Variants in LINGO1 observed in about 807,000 individuals in gnomAD.
The protein encoded by LINGO1 is leucine rich repeat and Ig domain containing 1.
A neutral mutation model predicts 37.3 loss-of-function variants in LINGO1; 11 were observed. The ratio of observed to expected loss-of-function variants is 0.29; its 90% confidence interval spans 0.19 to 0.49. LINGO1 has a LOEUF of 0.49. Among genes scored for constraint, LINGO1 ranks in the 20% least tolerant of loss-of-function variants. The pLI, the probability that LINGO1 is intolerant of heterozygous loss-of-function variation, is 0.99. For missense variants in LINGO1, 585 were observed against 878.2 expected, an observed-to-expected ratio of 0.67 and a Z score of 4.22; for synonymous variants, 387 against 403.0, an observed-to-expected ratio of 0.96 and a Z score of 0.48.
intron 1 of LINGO1, among the ~76,000 whole-genome samples, chr15:77,803,501 G>C (rs2076935767): frequency 6.6e-6 from 1 of 152,038 alleles, no homozygotes; most frequent in African/African-American, 2.4e-5. Context: ...TTTATAGAAT[G>C]AATGAATGGG....
rs537547186 is a variant in LINGO1, at chr15:77,630,136, C to T, written c.6+2174G>A. On this transcript the variant is annotated intron_variant, in intron 1 of 1. Transcript: ENST00000355300. ...AGCCCAAGAGACTCCAGCCAGCAAG[C>T]TAAGGCCCTGACTCTGAAACCACCA... Among the ~76,000 whole-genome samples, 11 of 152,188 alleles carry T rather than the reference C, an allele frequency of 7.2e-5. No homozygotes were observed. In the East Asian group the frequency reaches 2.1e-3, roughly 29 times the overall value.
At chr15:77,665,930 G>A (rs963376719) in intron 3 of LINGO1, among the ~76,000 whole-genome samples, 5 of 152,152 alleles carry the variant, frequency 3.3e-5, no homozygotes, top group African/African-American at 9.7e-5. Context: ...ACCCCCACAC[G>A]GTGCTCTGGT....
At chr15:77,663,025 C>A (rs1218007423) in intron 3 of LINGO1, among the ~76,000 whole-genome samples, 1 of 152,218 alleles carries the variant, frequency 6.6e-6, no homozygotes, top group Non-Finnish European at 1.5e-5. Flanking sequence ...CCGGGGGTCA[C>A]CCCCAACCTG....
chr15:77,789,683 C>A (rs899107620), upstream of LINGO1, among the ~76,000 whole-genome samples: 1 of 152,108 alleles, frequency 6.6e-6, no homozygotes, highest in Non-Finnish European at 1.5e-5. Context: ...TAAAGAGACA[C>A]GGGGTAGCCA....
intron 3 of LINGO1, among the ~76,000 whole-genome samples, chr15:77,660,892 C>T (rs938663224): frequency 1.3e-5 from 2 of 152,128 alleles, no homozygotes; most frequent in African/African-American, 2.4e-5. Flanking sequence ...TGGAGGGCTG[C>T]GGCTGTGCCT....
chr15:77,798,191 A>T, intron 1 of LINGO1, among the ~76,000 whole-genome samples: 1 of 152,324 alleles, frequency 6.6e-6, no homozygotes, highest in Admixed American at 6.5e-5. Context: ...CCTAGGACAC[A>T]GGGGTAGCAG....
At chr15:77,700,227 C>T (rs2075765083), upstream of LINGO1, among the ~76,000 whole-genome samples, 1 of 152,180 alleles carries the variant, frequency 6.6e-6, no homozygotes, top group Admixed American at 6.5e-5. Context: ...ACACACCTCT[C>T]CCTACCTTGG....
At chr15:77,811,523 C>A (rs1194816519) in intron 1 of LINGO1, among the ~76,000 whole-genome samples, 1 of 142,224 alleles carries the variant, frequency 7.0e-6, no homozygotes, top group Non-Finnish European at 1.6e-5. Context: ...GCACTCCAGC[C>A]TGGGGTTTTC....
intron 2 of LINGO1, among the ~76,000 whole-genome samples, chr15:77,715,042 G>C (rs1217163763): frequency 3.3e-5 from 5 of 152,244 alleles, no homozygotes; most frequent in Non-Finnish European, 5.9e-5. Context: ...GGATGCCAAT[G>C]GTGGGCCTGG....
At chr15:77,736,846 T>C (rs916291486) in intron 1 of LINGO1, among the ~76,000 whole-genome samples, 1 of 152,146 alleles carries the variant, frequency 6.6e-6, no homozygotes, top group Non-Finnish European at 1.5e-5. Flanking sequence ...AGTAGAGTGG[T>C]GACCAGTAAG....
intron 3 of LINGO1, among the ~76,000 whole-genome samples, chr15:77,661,257 G>A (rs1353724565): frequency 1.3e-5 from 2 of 152,152 alleles, no homozygotes; most frequent in African/African-American, 2.4e-5. Flanking sequence ...TCGCATGAGT[G>A]GTGGGATGAA....
chr15:77,745,416 C>T (rs2076304253), intron 1 of LINGO1, among the ~76,000 whole-genome samples: 1 of 150,306 alleles, frequency 6.7e-6, no homozygotes, highest in African/African-American at 2.5e-5. Flanking sequence ...CAAAGCAAGA[C>T]TCCGTCTCAA....
At chr15:77,780,271 T>C (rs2076702463) in intron 1 of LINGO1, among the ~76,000 whole-genome samples, 1 of 152,130 alleles carries the variant, frequency 6.6e-6, no homozygotes. Context: ...CTTCTCTCCA[T>C]GGACAATGGT....
intron 2 of LINGO1, among the ~76,000 whole-genome samples, chr15:77,734,062 C>T (rs904065972): frequency 1.4e-4 from 22 of 152,320 alleles, no homozygotes; most frequent in East Asian, 7.7e-4. Flanking sequence ...CCCTAACTCC[C>T]GATCTCAGTT....
intron 1 of LINGO1, among the ~76,000 whole-genome samples, chr15:77,805,280 A>G (rs1461696808): frequency 6.6e-6 from 1 of 152,210 alleles, no homozygotes; most frequent in Non-Finnish European, 1.5e-5. Flanking sequence ...AACAGAGTAC[A>G]AAAATTGCCC....
intron 1 of LINGO1, among the ~76,000 whole-genome samples, chr15:77,773,184 C>T (rs1242316113): frequency 6.6e-6 from 1 of 152,198 alleles, no homozygotes; most frequent in Non-Finnish European, 1.5e-5. Context: ...GCCTCAGTCT[C>T]CACATCTGAG....
chr15:77,614,261 G>T lies in LINGO1; in HGVS notation c.1646C>A (p.Pro549His). The T allele has an allele frequency of 6.2e-7, 1 of 1,614,044 alleles. No individual in the cohort carries two copies. Among genetic ancestry groups the T allele is most frequent in the Non-Finnish European group, 8.5e-7 (1 of 1,179,902 alleles). The part of the protein sequence containing the change: ...GEANSTRATV[P>H]FPFDIKTLII... ...GAGGGTCTTGATGTCGAAGGGGAAA[G>T]GCACAGTGGCGCGGGTGCTGTTGGC... The change falls in exon 2 of 2, where the codon CCT (proline) becomes CAT (histidine). Residue 549 changes from proline (P) to histidine (H), a missense_variant. Pro to His is a moderately conservative substitution (Grantham distance 77, BLOSUM62 -2). Around this residue, in one of 4 missense-constraint regions of LINGO1, gnomAD observed 484 missense variants for 735.0 expected, o/e 0.66. Coordinates refer to ENST00000355300, the MANE Select transcript of LINGO1 (RefSeq NM_032808.7).
chr15:77,627,811 G>T (rs7171716), intron 1 of LINGO1, among the ~76,000 whole-genome samples: 27,620 of 151,988 alleles, frequency 0.18, 5,384 homozygotes, highest in African/African-American at 0.49. Flanking sequence ...TACTTGCTTG[G>T]GGAGTCCTCC....
chr15:77,798,533 A>G (rs1179770395), intron 1 of LINGO1, among the ~76,000 whole-genome samples: 1 of 152,220 alleles, frequency 6.6e-6, no homozygotes, highest in Non-Finnish European at 1.5e-5. Context: ...GTGGCATCAC[A>G]AGGAGTTGCT....
Sources: gnomAD v4.1 joint callset for allele counts (sites outside exome capture counted in the v4.1 genomes callset) on GRCh38, gnomAD v4.1.1 for gene constraint, gnomAD v4.1.1 regional missense constraint, MANE v1.5 for transcripts, NCBI Gene and HGNC (gene_info 2026-07-23, HGNC 2026-07-21) for gene names.